PIP5K1B: variants seen among roughly 807,000 people sequenced by gnomAD.
PIP5K1B encodes the protein phosphatidylinositol 4-phosphate 5-kinase type-1 beta.
A neutral mutation model predicts 67.0 loss-of-function variants in PIP5K1B; 42 were observed. The ratio of observed to expected loss-of-function variants is 0.63; its 90% CI spans 0.49 to 0.81. PIP5K1B has a LOEUF of 0.81. Ranked by LOEUF, PIP5K1B falls within the 30% of genes least tolerant of loss-of-function variation. The pLI, the probability that PIP5K1B is intolerant of heterozygous loss-of-function variation, is 0.00. For missense variants in PIP5K1B, 459 were observed against 646.3 expected (o/e 0.71, Z 3.14); for synonymous variants, 214 against 231.4 (o/e 0.92, Z 0.68).
At chr9:68,961,269 G>A (rs1211395796) in intron 14 of PIP5K1B, among the ~76,000 whole-genome samples, 2 of 151,008 alleles carry the variant, frequency 1.3e-5, no homozygotes, top group East Asian at 3.9e-4. Flanking sequence ...CAGAAAGTAA[G>A]TTAGCAGTTA....
intron 4 of PIP5K1B, among the ~76,000 whole-genome samples, chr9:68,830,631 G>A (rs369974695): frequency 6.6e-6 from 1 of 152,082 alleles, no homozygotes; most frequent in Non-Finnish European, 1.5e-5. Flanking sequence ...TCTCTAAAAC[G>A]CGAACTATAG....
chr9:68,908,855 T>C (rs962884606), intron 8 of PIP5K1B, among the ~76,000 whole-genome samples: 9 of 152,328 alleles, frequency 5.9e-5, no homozygotes, highest in Admixed American at 1.3e-4. Context: ...AACAAAAATG[T>C]ATTTGCCAAT....
At chr9:68,828,808 C>T (rs1040107994) in intron 4 of PIP5K1B, among the ~76,000 whole-genome samples, 12 of 152,120 alleles carry the variant, frequency 7.9e-5, no homozygotes, top group African/African-American at 2.9e-4. Context: ...CATGGTGGCT[C>T]GGTGGCTCTA....
intron 4 of PIP5K1B, among the ~76,000 whole-genome samples, chr9:68,837,672 C>T (rs140052526): frequency 5.0e-5 from 7 of 140,546 alleles, no homozygotes; most frequent in African/African-American, 1.6e-4. Context: ...TCCCTTAAGG[C>T]TTTTATCTTT....
chr9:68,880,249 T>C lies in PIP5K1B; in HGVS notation c.318+3455T>C, dbSNP rs1230498916. Reference sequence around the variant, plus strand: ...TTCTTTTCGCTTTTATGTACGTAAATATAACTTAAAAGGTAGAGAGAGGCC... The same window carrying C: ...TTCTTTTCGCTTTTATGTACGTAAACATAACTTAAAAGGTAGAGAGAGGCC... On this transcript the variant is annotated intron_variant, in intron 6 of 15. Transcript: ENST00000265382. Among the ~76,000 whole-genome samples the C allele has an allele frequency of 2.6e-5, 4 of 152,120 alleles. No individual in the cohort carries two copies. The East Asian group carries it at 7.7e-4, about 29-fold the overall frequency.
chr9:68,838,671 A>G lies in PIP5K1B; in HGVS notation c.69+15988A>G, dbSNP rs1008031806. 4.6e-5 allele frequency among the ~76,000 whole-genome samples: 7 copies of G among 152,320 alleles called. No homozygotes were observed. The East Asian group carries it at 1.3e-3, about 29-fold the overall frequency. ...CTGTACTCAGTAATGGGGTGACAGG[A>G]TTGATTGCACCCCAAACCTCAGCAT... On this transcript the variant is annotated intron_variant, in intron 4 of 15. Coordinates refer to ENST00000265382, the MANE Select transcript of PIP5K1B (RefSeq NM_003558.4).
At chr9:68,925,069 A>G (rs984191213) in intron 12 of PIP5K1B, among the ~76,000 whole-genome samples, 3 of 152,162 alleles carry the variant, frequency 2.0e-5, no homozygotes, top group African/African-American at 2.4e-5. Context: ...TGTATATTCT[A>G]CAAGGCACCA....
At chr9:68,779,740 G>C (rs1295464141) in intron 2 of PIP5K1B, among the ~76,000 whole-genome samples, 1 of 152,160 alleles carries the variant, frequency 6.6e-6, no homozygotes, top group African/African-American at 2.4e-5. Context: ...TCAGGAGATT[G>C]TTCCTTCCTC....
intron 14 of PIP5K1B, 30 bp from the exon 15 acceptor site, chr9:68,991,110 C>T (rs1406702780): frequency 1.6e-6 from 2 of 1,276,308 alleles, no homozygotes; most frequent in East Asian, 2.3e-5. Flanking sequence ...CTGGGGGCCT[C>T]ATGCCCATCA....
Position 68,991,212 on chromosome 9 carries a change from T to G in PIP5K1B, c.1575T>G (p.Thr525=). The change falls in exon 15 of 16, where the codon ACT becomes ACG. Residue 525 remains threonine, a synonymous_variant. Transcript: ENST00000265382. ...GTIYLTAEPN[T]LEVQDDNASV... Reference sequence around the variant, plus strand: ...TCTACTTGACCGCTGAGCCCAACACTCTGGAAGTGCAGGATGACAATGCTT... The same window carrying G: ...TCTACTTGACCGCTGAGCCCAACACGCTGGAAGTGCAGGATGACAATGCTT... 3 of 1,611,866 alleles carry G rather than the reference T, an allele frequency of 1.9e-6. No individual in the cohort carries two copies. In the South Asian group the frequency reaches 3.3e-5, roughly 18 times the overall value.
At chr9:68,967,554 TG>T (rs1829100923) in intron 14 of PIP5K1B, among the ~76,000 whole-genome samples, 1 of 152,134 alleles carries the variant, frequency 6.6e-6, no homozygotes, top group African/African-American at 2.4e-5. Flanking sequence ...GGGAAGAATA[TG>T]AAATACAGCA....
chr9:68,705,865 CT>C, intron 1 of PIP5K1B, 103 bp downstream of exon 1: 2 of 152,252 alleles, frequency 1.3e-5, no homozygotes, highest in Non-Finnish European at 2.9e-5. Flanking sequence ...TCTCTCTACC[CT>C]TCCACTTTGC....
intron 2 of PIP5K1B, among the ~76,000 whole-genome samples, chr9:68,806,426 G>A (rs907296943): frequency 5.3e-5 from 8 of 152,154 alleles, no homozygotes; most frequent in African/African-American, 1.4e-4. Flanking sequence ...ATTGCAGCAG[G>A]CTCTAGAGTC....
At chr9:68,780,457 A>G (rs776314992) in intron 2 of PIP5K1B, 3 of 1,614,234 alleles carry the variant, frequency 1.9e-6, no homozygotes, top group East Asian at 4.5e-5. Context: ...GACTTGATCA[A>G]CCGAGAGACG....
At chr9:68,961,135 G>A (rs892264404) in intron 14 of PIP5K1B, among the ~76,000 whole-genome samples, 4 of 151,784 alleles carry the variant, frequency 2.6e-5, no homozygotes, top group Admixed American at 6.6e-5. Context: ...GCGTGAACCC[G>A]GGAAGCGGAG....
intron 1 of PIP5K1B, among the ~76,000 whole-genome samples, chr9:68,713,774 A>G (rs1827506999): frequency 6.6e-6 from 1 of 152,204 alleles, no homozygotes; most frequent in South Asian, 2.1e-4. Context: ...ATTATGGGGT[A>G]TACAGAAAGT....
At chr9:68,985,453 T>C (rs1240298270) in intron 14 of PIP5K1B, among the ~76,000 whole-genome samples, 2 of 152,138 alleles carry the variant, frequency 1.3e-5, no homozygotes, top group Non-Finnish European at 2.9e-5. Flanking sequence ...GATTTTGCCA[T>C]GTTGGCCAGG....
intron 2 of PIP5K1B, among the ~76,000 whole-genome samples, chr9:68,762,627 T>C (rs1830235748): frequency 1.3e-5 from 2 of 152,294 alleles, no homozygotes; most frequent in East Asian, 1.9e-4. Context: ...AGTGTACTTA[T>C]AGTGGGCAAC....
chr9:68,844,665 A>G (rs1230647719), intron 4 of PIP5K1B, among the ~76,000 whole-genome samples: 1 of 152,154 alleles, frequency 6.6e-6, no homozygotes, highest in African/African-American at 2.4e-5. Context: ...TCTGACACCA[A>G]CTTTTATGAC....
Sources: gnomAD v4.1 joint callset for allele counts (sites outside exome capture counted in the v4.1 genomes callset) on GRCh38, gnomAD v4.1.1 for gene constraint, MANE v1.5 for transcripts, NCBI Gene and HGNC (gene_info 2026-07-23, HGNC 2026-07-21) for gene names.